The following ANO1 variants were observed in gnomAD, a reference collection of about 807,000 sequenced individuals.
ANO1 encodes anoctamin-1.
ANO1 carries 59 observed loss-of-function variants against 124.0 expected under a neutral mutation model. The observed-to-expected ratio is 0.48, with a 90% CI of 0.39 to 0.59. The LOEUF (loss-of-function observed/expected upper bound fraction) is 0.59, where lower values mean the gene tolerates loss of function less well. ANO1 is among the 20% of genes least tolerant of loss of function. The probability of loss-of-function intolerance (pLI) is 0.00; values close to 1 mark genes in which losing one functional copy is unlikely to be tolerated. For missense variants in ANO1, 1,059 were observed against 1,328.0 expected (o/e 0.80, Z 3.15); for synonymous variants, 529 against 532.0 (o/e 0.99, Z 0.08).
At chr11:70,111,571 G>A (rs1002366060) in intron 6 of ANO1, 136 bp from the exon 7 acceptor site, 28 of 774,990 alleles carry the variant, frequency 3.6e-5, no homozygotes, top group Admixed American at 2.6e-4. Context: ...AGAGGTGGCC[G>A]GGCTCTGCGT....
At chr11:70,007,067 C>T (rs1565158968) in intron 1 of ANO1, among the ~76,000 whole-genome samples, 1 of 152,088 alleles carries the variant, frequency 6.6e-6, no homozygotes, top group Admixed American at 6.5e-5. Context: ...TACTGAAACT[C>T]TGTACCCATT....
At chr11:70,034,504 T>C (rs1374691694) in intron 1 of ANO1, among the ~76,000 whole-genome samples, 1 of 152,162 alleles carries the variant, frequency 6.6e-6, no homozygotes, top group East Asian at 1.9e-4. Context: ...AAGCAAAGTA[T>C]GTAAAAAACC....
intron 1 of ANO1, among the ~76,000 whole-genome samples, chr11:70,063,219 GATA>G (rs1857635882): frequency 6.6e-6 from 1 of 152,072 alleles, no homozygotes; most frequent in African/African-American, 2.4e-5. Context: ...GCGCCCAGCC[GATA>G]ATGATTTTTA....
At chr11:69,984,011 G>A (rs1272154705), upstream of ANO1, among the ~76,000 whole-genome samples, 5 of 152,166 alleles carry the variant, frequency 3.3e-5, no homozygotes, top group African/African-American at 9.7e-5. Flanking sequence ...GTCCCAGGAC[G>A]TATTTACATT....
At chr11:70,168,518 CTT>C (rs1455075103) in intron 21 of ANO1, among the ~76,000 whole-genome samples, 1 of 152,146 alleles carries the variant, frequency 6.6e-6, no homozygotes, top group Admixed American at 6.5e-5. Context: ...CTCACCCTCT[CTT>C]GTTCCTCATC....
chr11:70,025,817 G>A (rs371383534), intron 1 of ANO1, among the ~76,000 whole-genome samples: 1 of 108,612 alleles, frequency 9.2e-6, no homozygotes, highest in African/African-American at 3.8e-5. Context: ...TGATGATGGT[G>A]ATGATGATGG....
chr11:70,034,553 A>T (rs568792742), intron 1 of ANO1, among the ~76,000 whole-genome samples: 1 of 152,342 alleles, frequency 6.6e-6, no homozygotes, highest in South Asian at 2.1e-4. Context: ...AGGAGCAATT[A>T]TGCATTGATT....
At chr11:70,091,047 C>T (rs1590702186) in intron 2 of ANO1, among the ~76,000 whole-genome samples, 1 of 152,304 alleles carries the variant, frequency 6.6e-6, no homozygotes, top group East Asian at 1.9e-4. Flanking sequence ...GGCCTGTTCT[C>T]CTGGAGAGGG....
intron 1 of ANO1, among the ~76,000 whole-genome samples, chr11:70,002,195 A>C (rs1856394635): frequency 6.6e-6 from 1 of 152,132 alleles, no homozygotes; most frequent in Non-Finnish European, 1.5e-5. Context: ...TCACACCTAT[A>C]ATCCCAGCAC....
intron 9 of ANO1, among the ~76,000 whole-genome samples, chr11:70,125,850 AAAC>A (rs1361560544): frequency 8.5e-5 from 11 of 128,874 alleles, no homozygotes; most frequent in Non-Finnish European, 8.5e-5. Flanking sequence ...TCTCAAAAAA[AAAC>A]AAAAAAAGAG....
At chr11:70,021,249 T>C (rs987135543) in intron 1 of ANO1, among the ~76,000 whole-genome samples, 2 of 152,144 alleles carry the variant, frequency 1.3e-5, no homozygotes, top group African/African-American at 2.4e-5. Flanking sequence ...TGCCAAACAT[T>C]GTCATCCCGC....
At chr11:70,147,148 C>T (rs911970625) in intron 11 of ANO1, among the ~76,000 whole-genome samples, 3 of 152,236 alleles carry the variant, frequency 2.0e-5, no homozygotes, top group Non-Finnish European at 2.9e-5. Context: ...CAGAAAGCGT[C>T]GTAAAAGGGC....
intron 1 of ANO1, among the ~76,000 whole-genome samples, chr11:70,060,309 AG>A (rs1259070256): frequency 1.3e-5 from 2 of 152,186 alleles, no homozygotes; most frequent in Non-Finnish European, 2.9e-5. Context: ...TCCATAATGG[AG>A]GTGTGGGACA....
chr11:70,166,957 G>A (rs553963254), intron 20 of ANO1, among the ~76,000 whole-genome samples: 11 of 152,202 alleles, frequency 7.2e-5, no homozygotes, highest in African/African-American at 2.4e-4. Flanking sequence ...ACCGGCCTGG[G>A]CAACACTGTG....
At chr11:70,005,308 G>A (rs782189937) in intron 1 of ANO1, among the ~76,000 whole-genome samples, 7 of 152,178 alleles carry the variant, frequency 4.6e-5, no homozygotes, top group Non-Finnish European at 1.0e-4. Context: ...GGTTCAGAGA[G>A]GTGAAGTAAC....
rs1015951375 is a variant in ANO1, at chr11:70,104,205, C to A, written c.692+55C>A. On this transcript the variant is annotated intron_variant, in intron 4 of 25. Transcript: ENST00000355303. ...AAGGGTCCTGTGTGTGGGGATTTAA[C>A]CTTCTAGCATGAGAAATGCAGATTG... The A allele has an allele frequency of 3.5e-5, 54 of 1,533,254 alleles. 1 individual carries two copies. Among genetic ancestry groups the A allele is most frequent in the Non-Finnish European group, 4.3e-5 (49 of 1,135,544 alleles). 95.0% of individuals were successfully genotyped at this position (1,533,254 alleles called of 1,614,324 possible).
rs532693797 is a variant in ANO1 at position 70,091,431 on chromosome 11, TC to T, written c.441+3351del. Among the ~76,000 whole-genome samples the T allele has an allele frequency of 3.3e-3, 502 of 152,120 alleles. 5 individuals are homozygous for T. Among genetic ancestry groups the T allele is most frequent in the Non-Finnish European group, 3.0e-3 (205 of 67,994 alleles). ...TTGAAGCAGGTGATATTTAACAGCA[TC>T]CCCGGCCTCTACCTGGCCAGTAGCA... On this transcript the variant is annotated intron_variant, in intron 2 of 25. Transcript: ENST00000355303.
chr11:70,185,453 C>G (rs2049076854), intron 24 of ANO1, 137 bp from the exon 25 acceptor site: 4 of 724,238 alleles, frequency 5.5e-6, no homozygotes, highest in South Asian at 1.8e-5. Flanking sequence ...GCTGCTCGCC[C>G]AAGAGAGGGC....
intron 11 of ANO1, among the ~76,000 whole-genome samples, chr11:70,132,902 CT>C (rs1214822577): frequency 6.6e-6 from 1 of 152,166 alleles, no homozygotes; most frequent in Non-Finnish European, 1.5e-5. Flanking sequence ...GAGCTCCCAC[CT>C]TGTAGGAGAT....
Sources: allele counts gnomAD v4.1 joint callset (sites outside exome capture counted in the v4.1 genomes callset), GRCh38; gene constraint gnomAD v4.1.1; transcripts MANE v1.5; gene names NCBI Gene and HGNC (gene_info 2026-07-23, HGNC 2026-07-21).